The following OPCML variants were observed in gnomAD, a reference collection of about 807,000 sequenced individuals.
OPCML encodes opioid binding protein/cell adhesion molecule like, also known as opioid-binding protein/cell adhesion molecule.
OPCML carries 13 observed loss-of-function variants against 37.8 expected under a neutral mutation model. The observed-to-expected ratio is 0.34, with a 90% confidence interval of 0.22 to 0.55. OPCML has a LOEUF of 0.55. Ranked by LOEUF, OPCML falls within the 20% of genes least tolerant of loss-of-function variation. OPCML has a pLI of 0.91. For synonymous variants in OPCML, 176 were observed against 168.8 expected (o/e 1.04, Z -0.33); for missense variants, 341 against 435.6 (o/e 0.78, Z 1.93).
At chr11:133,317,841 G>A (rs960338342) in intron 1 of OPCML, among the ~76,000 whole-genome samples, 1 of 152,184 alleles carries the variant, frequency 6.6e-6, no homozygotes, top group African/African-American at 2.4e-5. Context: ...CAGTGGTAGC[G>A]TGTTAGCCTC....
At chr11:133,149,339 T>C (rs916849906) in intron 1 of OPCML, among the ~76,000 whole-genome samples, 5 of 152,224 alleles carry the variant, frequency 3.3e-5, no homozygotes, top group African/African-American at 1.2e-4. Context: ...CAATTTGACA[T>C]TGTAGTATAT....
At chr11:132,858,199 C>T (rs909513439) in intron 2 of OPCML, among the ~76,000 whole-genome samples, 2 of 152,194 alleles carry the variant, frequency 1.3e-5, no homozygotes, top group Non-Finnish European at 2.9e-5. Context: ...AATCCGTAGC[C>T]TGTCTGCACA....
chr11:133,493,249 C>A (rs763197678), intron 1 of OPCML, among the ~76,000 whole-genome samples: 17 of 152,356 alleles, frequency 1.1e-4, no homozygotes, highest in African/African-American at 3.8e-4. Context: ...AAGCCTGGAG[C>A]CTTGCACGCC....
At chr11:132,449,934 C>T (rs976893787) in intron 4 of OPCML, among the ~76,000 whole-genome samples, 2 of 152,144 alleles carry the variant, frequency 1.3e-5, no homozygotes, top group African/African-American at 2.4e-5. Context: ...GGACAGCACT[C>T]GACATTTGAT....
In OPCML at chr11:132,884,453, C is replaced by A. The variant is rs989431656; in HGVS notation, c.146+58473G>T. Among the ~76,000 whole-genome samples, 18 of 152,148 alleles carry A rather than the reference C, an allele frequency of 1.2e-4. 1 individual carries two copies. The highest frequency in any genetic ancestry group is 3.6e-4 in the African/African-American group (15 of 41,426). Reference sequence around the variant, plus strand: ...AAATCAGGAAAATAATATAAGGAGACAAATACCAGGGGTCAGAAAGATTGC... The same window carrying A: ...AAATCAGGAAAATAATATAAGGAGAAAAATACCAGGGGTCAGAAAGATTGC... On this transcript the variant is annotated intron_variant, in intron 2 of 7. Transcript: ENST00000524381.
At chr11:132,594,756 G>T (rs2096489878) in intron 3 of OPCML, among the ~76,000 whole-genome samples, 1 of 152,092 alleles carries the variant, frequency 6.6e-6, no homozygotes, top group South Asian at 2.1e-4. Context: ...AATCTAAGCT[G>T]GTCAAATCTG....
At chr11:132,768,619 TCA>T (rs1383964339) in intron 2 of OPCML, among the ~76,000 whole-genome samples, 3 of 152,190 alleles carry the variant, frequency 2.0e-5, no homozygotes, top group African/African-American at 7.2e-5. Flanking sequence ...AGATTTACTC[TCA>T]GTGTTACTCT....
chr11:132,595,950 T>C (rs535674938), intron 3 of OPCML, among the ~76,000 whole-genome samples: 1 of 152,336 alleles, frequency 6.6e-6, no homozygotes. Context: ...TTACCCTCTA[T>C]TGTATTTGGC....
chr11:132,933,132 T>C (rs1195596726), intron 2 of OPCML, among the ~76,000 whole-genome samples: 1 of 152,164 alleles, frequency 6.6e-6, no homozygotes, highest in Non-Finnish European at 1.5e-5. Flanking sequence ...TGCTGATAGG[T>C]ATTCAGGGAC....
At chr11:132,610,506 A>T (rs1250005523) in intron 3 of OPCML, among the ~76,000 whole-genome samples, 1 of 152,176 alleles carries the variant, frequency 6.6e-6, no homozygotes, top group Non-Finnish European at 1.5e-5. Context: ...GTATCACATT[A>T]TCTCACAGGA....
intron 3 of OPCML, among the ~76,000 whole-genome samples, chr11:132,560,681 G>A (rs912647086): frequency 1.3e-5 from 2 of 152,206 alleles, no homozygotes; most frequent in Non-Finnish European, 2.9e-5. Context: ...CTGATCGTTA[G>A]TGACGTGGAG....
Position 132,680,597 on chromosome 11 carries a change from T to G in OPCML, c.147-23278A>C, listed in dbSNP as rs535246545. The stretch of plus-strand genomic sequence containing the variant: ...GAGTGGAAGAGGGAGCTGGGGCGGC[T>G]GCGGCCACGCTACCTCAGCTGTAAT... On this transcript the variant is annotated intron_variant, in intron 2 of 7. Coordinates refer to ENST00000524381, the MANE Select transcript of OPCML (RefSeq NM_001012393.5). 3.4e-3 allele frequency among the ~76,000 whole-genome samples: 513 copies of G among 152,326 alleles called. 4 individuals carry two copies. The highest frequency in any genetic ancestry group is 0.012 in the African/African-American group (496 of 41,576).
At chr11:132,848,021 T>C (rs1309034990) in intron 2 of OPCML, among the ~76,000 whole-genome samples, 1 of 152,136 alleles carries the variant, frequency 6.6e-6, no homozygotes, top group Non-Finnish European at 1.5e-5. Context: ...CCTGTGGACA[T>C]GGACAGTGAA....
intron 1 of OPCML, among the ~76,000 whole-genome samples, chr11:133,194,499 T>C (rs1228368588): frequency 1.3e-5 from 2 of 152,116 alleles, no homozygotes; most frequent in Non-Finnish European, 1.5e-5. Context: ...CATGAGCCAC[T>C]GCGCCCGGCT....
rs71038509 is a variant in OPCML, at chr11:132,923,755, A to ATTTTTT, written c.146+19165_146+19170dup. ...GCGAAGTATCACAGAAGTTACTTGA[A>ATTTTTT]TTTTTTTTTTTTTTTTTTTTTTTTT... On this transcript the variant is annotated intron_variant, in intron 2 of 7. Coordinates refer to ENST00000524381, the MANE Select transcript of OPCML (RefSeq NM_001012393.5). Among the ~76,000 whole-genome samples the ATTTTTT allele has an allele frequency of 6.1e-3, 563 of 92,080 alleles. 25 individuals carry two copies. Among genetic ancestry groups the ATTTTTT allele is most frequent in the African/African-American group, 0.012 (260 of 22,000 alleles). The allele number at this position is 92,080 out of a possible 152,430, so 60.4% of individuals were successfully genotyped here. A position where few individuals can be genotyped will look rare whatever the true frequency, so the allele number is the denominator to read the frequency against.
rs1435894338 is a variant in OPCML, at chr11:132,513,647, G to A, written c.505+15414C>T. Among the ~76,000 whole-genome samples the A allele has an allele frequency of 5.3e-5, 8 of 151,662 alleles. 1 individual carries two copies. In the South Asian group the frequency reaches 1.7e-3, roughly 32 times the overall value. ...TCCATTGCCTAGAATATTTCTCTTT[G>A]CCTCTACCTCACCCATTTCATTTTC... On this transcript the variant is annotated intron_variant, in intron 4 of 7. Transcript: ENST00000524381.
At chr11:132,930,014 G>T (rs1191176090) in intron 2 of OPCML, among the ~76,000 whole-genome samples, 3 of 152,150 alleles carry the variant, frequency 2.0e-5, no homozygotes, top group Non-Finnish European at 4.4e-5. Flanking sequence ...AGGCAGGAGT[G>T]TCTGCTTCTA....
In OPCML at chr11:132,941,924, C is replaced by T. The variant is rs536996087; in HGVS notation, c.146+1002G>A. 3.3e-5 allele frequency among the ~76,000 whole-genome samples: 5 copies of T among 152,310 alleles called. No homozygotes were observed. In the South Asian group the frequency reaches 6.2e-4, roughly 19 times the overall value. The stretch of plus-strand genomic sequence containing the variant: ...AGGGAGGAACAGGAAGAACCCCCAC[C>T]GTCACACTGTCCTAGGGGAAGCCAG... On this transcript the variant is annotated intron_variant, in intron 2 of 7. Transcript: ENST00000524381.
intron 1 of OPCML, among the ~76,000 whole-genome samples, chr11:133,502,246 A>G (rs897429205): frequency 2.0e-5 from 3 of 152,130 alleles, no homozygotes; most frequent in Non-Finnish European, 4.4e-5. Flanking sequence ...TGTTCTCTAC[A>G]AAGTGAGAAA....
Sources: gnomAD v4.1 joint callset for allele counts (sites outside exome capture counted in the v4.1 genomes callset) on GRCh38, gnomAD v4.1.1 for gene constraint, MANE v1.5 for transcripts, NCBI Gene and HGNC (gene_info 2026-07-23, HGNC 2026-07-21) for gene names.